MYCBP2: variants seen among roughly 807,000 people sequenced by gnomAD.
The protein encoded by MYCBP2 is MYC binding protein 2.
MYCBP2 carries 120 observed loss-of-function variants against 525.3 expected under a neutral mutation model. The observed-to-expected ratio is 0.23, with a 90% CI of 0.20 to 0.27. The LOEUF (loss-of-function observed/expected upper bound fraction) is 0.27, where lower values mean the gene tolerates loss of function less well. MYCBP2 is among the 10% of genes least tolerant of loss of function. MYCBP2 has a pLI of 1.00. For missense variants in MYCBP2, 4,149 were observed against 5,657.1 expected, an observed-to-expected ratio of 0.73 and a Z score of 8.55; for synonymous variants, 1,894 against 1,955.8, an observed-to-expected ratio of 0.97 and a Z score of 0.83.
At chr13:77,110,927 G>A (rs1339995178) in intron 55 of MYCBP2, among the ~76,000 whole-genome samples, 1 of 152,096 alleles carries the variant, frequency 6.6e-6, no homozygotes, top group African/African-American at 2.4e-5. Context: ...TTGAAATTAT[G>A]CCATCATAAG....
At chr13:77,156,232 AC>A in intron 45 of MYCBP2, 30 bp from the exon 46 acceptor site, 1 of 1,585,036 alleles carries the variant, frequency 6.3e-7, no homozygotes, top group Non-Finnish European at 8.6e-7. Context: ...AATAAACAAA[AC>A]CCCAAACACT....
chr13:77,169,507 C>A (rs1383562021), intron 39 of MYCBP2, 107 bp downstream of exon 39: 1 of 814,864 alleles, frequency 1.2e-6, no homozygotes, highest in African/African-American at 1.8e-5. Context: ...TTACCTATAT[C>A]CCAGATGCCT....
intron 32 of MYCBP2, among the ~76,000 whole-genome samples, chr13:77,184,226 A>G (rs189752332): frequency 2.3e-4 from 35 of 152,324 alleles, no homozygotes; most frequent in Admixed American, 1.9e-3. Context: ...AATTTCCTTT[A>G]TAACTTCTTC....
chr13:77,057,486 C>A (rs549810263), intron 78 of MYCBP2, among the ~76,000 whole-genome samples: 65 of 151,996 alleles, frequency 4.3e-4, no homozygotes, highest in Non-Finnish European at 7.4e-4. Context: ...AAGCAATGGG[C>A]AAAAGTTAAA....
intron 20 of MYCBP2, among the ~76,000 whole-genome samples, chr13:77,220,462 T>C (rs1025144164): frequency 1.6e-4 from 24 of 152,166 alleles, no homozygotes; most frequent in Admixed American, 1.4e-3. Flanking sequence ...TCAGTCATTC[T>C]GGCAATATAA....
intron 52 of MYCBP2, among the ~76,000 whole-genome samples, chr13:77,126,969 C>A (rs1334817432): frequency 6.6e-6 from 1 of 151,834 alleles, no homozygotes. Context: ...TTCATTTCTT[C>A]CCATGTTGAA....
intron 10 of MYCBP2, among the ~76,000 whole-genome samples, chr13:77,263,345 T>C (rs1327159202): frequency 6.6e-6 from 1 of 152,018 alleles, no homozygotes; most frequent in Non-Finnish European, 1.5e-5. Context: ...TATAAACTAA[T>C]GACATTCACC....
At chr13:77,255,161 T>C (rs1436752413) in intron 14 of MYCBP2, among the ~76,000 whole-genome samples, 1 of 152,040 alleles carries the variant, frequency 6.6e-6, no homozygotes, top group Non-Finnish European at 1.5e-5. Context: ...TTTCAGTTTT[T>C]TGAGTCACCT....
At chr13:77,282,947 C>A (rs994684883) in intron 3 of MYCBP2, among the ~76,000 whole-genome samples, 2 of 152,098 alleles carry the variant, frequency 1.3e-5, no homozygotes, top group Admixed American at 1.3e-4. Flanking sequence ...TAATTCCAAC[C>A]CTCATTAACA....
chr13:77,053,167 T>C (rs2037190675), intron 80 of MYCBP2, among the ~76,000 whole-genome samples: 1 of 151,776 alleles, frequency 6.6e-6, no homozygotes, highest in East Asian at 1.9e-4. Context: ...ATTTGATAAT[T>C]CTGTTCAGAA....
intron 52 of MYCBP2, 26 bp downstream of exon 52, chr13:77,139,170 G>A: frequency 1.2e-6 from 2 of 1,608,106 alleles, no homozygotes; most frequent in Admixed American, 1.7e-5. Context: ...TATCTATAAT[G>A]CTTTTTAAAA....
chr13:77,168,643 C>A lies in MYCBP2; in HGVS notation c.5899G>T (p.Ala1967Ser). ...GPVAAAIPKVAVEVFGLVQQL... is the reference protein window; with the variant it reads ...GPVAAAIPKVSVEVFGLVQQL... The stretch of plus-strand genomic sequence containing the variant: ...TGGACAAGGCCAAAGACTTCTACAG[C>A]CACCTAGTACACATATAAAAATATG... The change falls in exon 40 of 83, where the codon GCT becomes TCT. Residue 1967 changes from alanine (A) to serine (S), a missense_variant. By Grantham distance (99) the Ala-to-Ser change is moderately conservative (BLOSUM62 1). Around this residue, in one of 21 missense-constraint regions of MYCBP2, gnomAD observed 692 missense variants for 852.7 expected, o/e 0.81. Coordinates refer to ENST00000544440, the MANE Select transcript of MYCBP2 (RefSeq NM_015057.5). 1.2e-6 allele frequency: 2 copies of A among 1,613,912 alleles called. No homozygotes were observed. Among genetic ancestry groups the A allele is most frequent in the African/African-American group, 2.7e-5 (2 of 75,018 alleles).
At chr13:77,127,959 T>C (rs1294427140) in intron 52 of MYCBP2, among the ~76,000 whole-genome samples, 1 of 151,952 alleles carries the variant, frequency 6.6e-6, no homozygotes, top group Non-Finnish European at 1.5e-5. Context: ...TTACATTTAC[T>C]GTAATTATAT....
At position 77,141,389 on chromosome 13, in the gene MYCBP2, A is replaced by G. The variant is rs1418280417; in HGVS notation, c.7304-446T>C. 7.8e-4 allele frequency among the ~76,000 whole-genome samples: 118 copies of G among 151,934 alleles called. 1 individual carries two copies. Among genetic ancestry groups the G allele is most frequent in the Admixed American group, 7.7e-3 (117 of 15,220 alleles). ...TCCAATATCTCGCACTAACTGTTTGACTCTCTGTGCCTCAATTTCTTCATC... is the reference window on the plus strand; with the variant it reads ...TCCAATATCTCGCACTAACTGTTTGGCTCTCTGTGCCTCAATTTCTTCATC... On this transcript the variant is annotated intron_variant, in intron 49 of 82. Coordinates refer to ENST00000544440, the MANE Select transcript of MYCBP2 (RefSeq NM_015057.5).
chr13:77,183,541 C>CTTTTTTTTTTTTTTTTTTTTTT (rs60927409), intron 32 of MYCBP2, among the ~76,000 whole-genome samples: 3 of 66,050 alleles, frequency 4.5e-5, no homozygotes, highest in African/African-American at 2.1e-4. Flanking sequence ...GTCCCTATTT[C>CTTTTTTTTTTTTTTTTTTTTTT]TTTTTTTTTT....
rs767414643 is a variant in MYCBP2, at chr13:77,140,172, G to C, written c.7402-9C>G. 1 of 1,570,950 alleles carries C rather than the reference G, an allele frequency of 6.4e-7. No homozygotes were observed. Among genetic ancestry groups the C allele is most frequent in the Non-Finnish European group, 8.7e-7 (1 of 1,155,164 alleles). ...GCCACAAATTTTCGAACCTGAGAAA[G>C]GCAAAGATAAACAGTGAGGTAGGAA... On this transcript the variant is annotated splice_polypyrimidine_tract_variant and intron_variant, in intron 50 of 82. Coordinates refer to ENST00000544440, the MANE Select transcript of MYCBP2 (RefSeq NM_015057.5).
chr13:77,087,050 T>C (rs2044429921), intron 62 of MYCBP2, among the ~76,000 whole-genome samples: 3 of 152,158 alleles, frequency 2.0e-5, no homozygotes. Context: ...TTGTTTTTGT[T>C]AGTTCTTGCT....
rs768755450 is a variant in MYCBP2, at chr13:77,097,531, T to C, written c.9623A>G (p.Glu3208Gly). ...CEKENKKSKKEKKKKEKAEVR... is the reference protein window; with the variant it reads ...CEKENKKSKKGKKKKEKAEVR... ...TTCTGCCTTTTCTTTTTTCTTTTTT[T>C]CCTTTTTGGACTTCTTATTCTCTTT... Residue 3208 changes from glutamate (E) to glycine (G), a missense_variant, in exon 56 of 83, where the codon GAA becomes GGA. By Grantham distance (98) the Glu-to-Gly change is moderately conservative. Coordinates refer to ENST00000544440, the MANE Select transcript of MYCBP2 (RefSeq NM_015057.5). The C allele has an allele frequency of 6.2e-7, 1 of 1,612,432 alleles. No individual in the cohort carries two copies. The highest frequency in any genetic ancestry group is 1.1e-5 in the South Asian group (1 of 90,966).
At chr13:77,095,004 T>A (rs2046019751) in intron 58 of MYCBP2, among the ~76,000 whole-genome samples, 1 of 152,098 alleles carries the variant, frequency 6.6e-6, no homozygotes, top group African/African-American at 2.4e-5. Flanking sequence ...AATGAATAAT[T>A]TACGAAATAA....
Sources: gnomAD v4.1 joint callset for allele counts (sites outside exome capture counted in the v4.1 genomes callset) on GRCh38, gnomAD v4.1.1 for gene constraint, gnomAD v4.1.1 regional missense constraint, MANE v1.5 for transcripts, NCBI Gene and HGNC (gene_info 2026-07-23, HGNC 2026-07-21) for gene names.